The following UNC5D variants were observed in gnomAD, a reference collection of about 807,000 sequenced individuals.
The protein encoded by UNC5D is unc-5 netrin receptor D, also known as netrin receptor UNC5D.
In UNC5D, 39 loss-of-function variants were observed where a neutral mutation model predicts 105.4. That is an observed-to-expected ratio of 0.37 (90% CI 0.29 to 0.48). The LOEUF is 0.48. Ranked by LOEUF, UNC5D falls within the 20% of genes least tolerant of loss-of-function variation. The pLI is 0.98. For synonymous variants in UNC5D, 452 were observed against 450.4 expected (o/e 1.00, Z -0.04); for missense variants, 991 against 1,202.4 (o/e 0.82, Z 2.60).
intron 4 of UNC5D, among the ~76,000 whole-genome samples, chr8:35,651,416 G>T (rs896881998): frequency 1.3e-5 from 2 of 152,190 alleles, no homozygotes; most frequent in African/African-American, 4.8e-5. Context: ...AGAGAACAGA[G>T]CTAGCAGCAA....
At chr8:35,348,208 C>T (rs1402622227) in intron 1 of UNC5D, among the ~76,000 whole-genome samples, 1 of 151,748 alleles carries the variant, frequency 6.6e-6, no homozygotes, top group Non-Finnish European at 1.5e-5. Context: ...GTTCTCATGT[C>T]ATTAGTGGTG....
At chr8:35,255,246 T>C (rs1263889636) in intron 1 of UNC5D, 1 of 152,202 alleles carries the variant, frequency 6.6e-6, no homozygotes, top group East Asian at 1.9e-4. Context: ...TTGTATGTTC[T>C]GTTACACATC....
intron 4 of UNC5D, among the ~76,000 whole-genome samples, chr8:35,646,319 ATTGT>A (rs1186497339): frequency 2.0e-5 from 3 of 152,106 alleles, no homozygotes; most frequent in East Asian, 1.9e-4. Flanking sequence ...GATGGCAGAA[ATTGT>A]TTGACTCAAG....
At chr8:35,773,930 G>A (rs1444814935) in intron 15 of UNC5D, among the ~76,000 whole-genome samples, 1 of 152,006 alleles carries the variant, frequency 6.6e-6, no homozygotes, top group African/African-American at 2.4e-5. Context: ...CACCCTGTTG[G>A]CGAGGCTGGT....
chr8:35,758,267 A>G (rs1830602546), intron 13 of UNC5D, among the ~76,000 whole-genome samples: 2 of 152,360 alleles, frequency 1.3e-5, no homozygotes, highest in Admixed American at 1.3e-4. Context: ...GAGATGGATA[A>G]GATAACCAGT....
intron 4 of UNC5D, among the ~76,000 whole-genome samples, chr8:35,630,397 T>C (rs1209439178): frequency 6.6e-6 from 1 of 152,238 alleles, no homozygotes; most frequent in Admixed American, 6.5e-5. Context: ...TCTTAATTCA[T>C]GGATAGCTAA....
At chr8:35,719,701 T>A (rs116010624) in intron 8 of UNC5D, among the ~76,000 whole-genome samples, 1 of 152,190 alleles carries the variant, frequency 6.6e-6, no homozygotes, top group Non-Finnish European at 1.5e-5. Flanking sequence ...AGTGAAATTA[T>A]TATAAGCTGA....
At chr8:35,737,466 T>C (rs1194882191) in intron 11 of UNC5D, among the ~76,000 whole-genome samples, 1 of 151,872 alleles carries the variant, frequency 6.6e-6, no homozygotes, top group Non-Finnish European at 1.5e-5. Flanking sequence ...AACATAGCTC[T>C]TTGACTTACA....
At chr8:35,644,369 A>C (rs1313088111) in intron 4 of UNC5D, among the ~76,000 whole-genome samples, 1 of 152,110 alleles carries the variant, frequency 6.6e-6, no homozygotes, top group Admixed American at 6.6e-5. Context: ...TGATGTCACA[A>C]GTCTATCCAC....
chr8:35,549,208 A>G, intron 1 of UNC5D, 84 bp from the exon 2 acceptor site: 1 of 1,261,772 alleles, frequency 7.9e-7, no homozygotes, highest in Non-Finnish European at 1.1e-6. Flanking sequence ...ACAGAATCTT[A>G]GAGCTGGTGC....
At chr8:35,664,337 GA>G (rs1322306830) in intron 4 of UNC5D, among the ~76,000 whole-genome samples, 1 of 152,106 alleles carries the variant, frequency 6.6e-6, no homozygotes, top group African/African-American at 2.4e-5. Flanking sequence ...TAATTGGGTT[GA>G]GTCCAATTGC....
At chr8:35,382,270 G>A (rs539329509) in intron 1 of UNC5D, among the ~76,000 whole-genome samples, 37 of 152,248 alleles carry the variant, frequency 2.4e-4, no homozygotes, top group African/African-American at 6.7e-4. Flanking sequence ...CCCCTACAGC[G>A]GTTGATGACA....
rs182874772 is a variant in UNC5D, at chr8:35,292,495, T to C, written c.103+56608T>C. ...GGACATTGGTCAAAGCTTTCAAAAA[T>C]GGTTAAAAAAGCAACTTGAATTTAC... On this transcript the variant is annotated intron_variant, in intron 1 of 16. Transcript: ENST00000404895. 2.6e-3 allele frequency among the ~76,000 whole-genome samples: 399 copies of C among 152,268 alleles called. 2 individuals are homozygous for C. The highest frequency in any genetic ancestry group is 9.1e-3 in the African/African-American group (380 of 41,566).
intron 1 of UNC5D, among the ~76,000 whole-genome samples, chr8:35,355,165 G>A (rs1479209687): frequency 6.6e-6 from 1 of 152,130 alleles, no homozygotes; most frequent in Non-Finnish European, 1.5e-5. Context: ...AATAGGAAGA[G>A]TGCCAAAGAA....
chr8:35,617,983 G>A (rs1821133033), intron 4 of UNC5D, among the ~76,000 whole-genome samples: 1 of 152,192 alleles, frequency 6.6e-6, no homozygotes, highest in Non-Finnish European at 1.5e-5. Context: ...TCTGTGGGCT[G>A]CCAGCACTGG....
chr8:35,251,625 A>G (rs919116340), intron 1 of UNC5D, among the ~76,000 whole-genome samples: 6 of 152,222 alleles, frequency 3.9e-5, no homozygotes, highest in African/African-American at 1.4e-4. Context: ...ATTATACAGT[A>G]TGGAAGGAAC....
At chr8:35,578,447 T>C (rs925295312) in intron 3 of UNC5D, among the ~76,000 whole-genome samples, 10 of 152,112 alleles carry the variant, frequency 6.6e-5, no homozygotes, top group Non-Finnish European at 1.3e-4. Flanking sequence ...TCCAGGAATA[T>C]AGGAAGCCAC....
At chr8:35,442,786 T>A (rs1807492865) in intron 1 of UNC5D, among the ~76,000 whole-genome samples, 1 of 151,934 alleles carries the variant, frequency 6.6e-6, no homozygotes, top group African/African-American at 2.4e-5. Flanking sequence ...TTAGATTATA[T>A]GAGAGCAAAC....
intron 8 of UNC5D, among the ~76,000 whole-genome samples, chr8:35,707,572 T>G (rs886524404): frequency 6.6e-6 from 1 of 152,144 alleles, no homozygotes. Context: ...GTGGAGTAAG[T>G]GGACTCTTAC....
Sources: gnomAD v4.1 joint callset for allele counts (sites outside exome capture counted in the v4.1 genomes callset) on GRCh38, gnomAD v4.1.1 for gene constraint, MANE v1.5 for transcripts, NCBI Gene and HGNC (gene_info 2026-07-23, HGNC 2026-07-21) for gene names.